Variants in STAG1 observed in about 807,000 individuals in gnomAD.
STAG1 encodes the protein STAG1 cohesin complex component.
STAG1 carries 26 observed loss-of-function variants against 170.9 expected under a neutral mutation model. That is an observed-to-expected ratio of 0.15 (90% CI 0.11 to 0.21). STAG1 has a LOEUF of 0.21. STAG1 is among the 10% of genes least tolerant of loss of function. STAG1 has a pLI of 1.00. For missense variants in STAG1, 964 were observed against 1,509.5 expected (o/e 0.64, Z 5.99); for synonymous variants, 514 against 497.7 (o/e 1.03, Z -0.44).
chr3:136,668,992 C>G (rs141928037), intron 1 of STAG1, among the ~76,000 whole-genome samples: 9 of 152,326 alleles, frequency 5.9e-5, no homozygotes, highest in Non-Finnish European at 1.5e-5. Context: ...AGTGGTACCT[C>G]CAAGGCAGAA....
chr3:136,447,334 TG>T (rs2088811057), intron 14 of STAG1, among the ~76,000 whole-genome samples: 2 of 151,576 alleles, frequency 1.3e-5, no homozygotes, highest in Admixed American at 6.6e-5. Flanking sequence ...CTGGGTGTGG[TG>T]GCGCGTGCCT....
chr3:136,734,678 C>T (rs1481126676), intron 1 of STAG1, among the ~76,000 whole-genome samples: 1 of 152,032 alleles, frequency 6.6e-6, no homozygotes, highest in Non-Finnish European at 1.5e-5. Context: ...TTTCATTAAC[C>T]CTATTGGTTT....
At chr3:136,581,860 T>A (rs1367646793) in intron 4 of STAG1, among the ~76,000 whole-genome samples, 1 of 152,142 alleles carries the variant, frequency 6.6e-6, no homozygotes, top group Non-Finnish European at 1.5e-5. Flanking sequence ...TCCACTTTTA[T>A]AAAACAAATA....
At chr3:136,735,869 T>C (rs894771775) in intron 1 of STAG1, among the ~76,000 whole-genome samples, 6 of 152,344 alleles carry the variant, frequency 3.9e-5, no homozygotes, top group African/African-American at 1.4e-4. Context: ...GACATGGTAC[T>C]GGGTGGAGGA....
At chr3:136,521,880 A>G (rs557604149) in intron 6 of STAG1, among the ~76,000 whole-genome samples, 80 of 152,312 alleles carry the variant, frequency 5.3e-4, no homozygotes, top group Non-Finnish European at 9.9e-4. Context: ...TTTCATTGGG[A>G]AGTGCAAAAA....
chr3:136,426,676 C>T (rs1042843903), intron 16 of STAG1, among the ~76,000 whole-genome samples: 4 of 151,830 alleles, frequency 2.6e-5, no homozygotes, highest in Non-Finnish European at 4.4e-5. Context: ...TGGTGGCTCA[C>T]GCCTGTAATC....
intron 1 of STAG1, among the ~76,000 whole-genome samples, chr3:136,649,286 C>G (rs1451287875): frequency 1.3e-5 from 2 of 151,586 alleles, no homozygotes; most frequent in Admixed American, 1.3e-4. Flanking sequence ...CAAGACCAGC[C>G]TGGCCAACAC....
At position 136,543,447 on chromosome 3, in the gene STAG1, G is replaced by A. The variant is rs746158089; in HGVS notation, c.395-1252C>T. Among the ~76,000 whole-genome samples the A allele has an allele frequency of 7.2e-5, 11 of 152,192 alleles. No individual in the cohort carries two copies. In the East Asian group the frequency reaches 1.7e-3, roughly 24 times the overall value. ...TCTGCTATCACAGGGCACAAAAGACGGAATATAAGGCTGGAAAACACGCTC... is the reference window on the plus strand; with the variant it reads ...TCTGCTATCACAGGGCACAAAAGACAGAATATAAGGCTGGAAAACACGCTC... On this transcript the variant is annotated intron_variant, in intron 5 of 33. Coordinates refer to ENST00000383202, the MANE Select transcript of STAG1 (RefSeq NM_005862.3).
intron 21 of STAG1, among the ~76,000 whole-genome samples, chr3:136,404,645 C>G (rs2087424835): frequency 6.6e-6 from 1 of 152,100 alleles, no homozygotes; most frequent in Non-Finnish European, 1.5e-5. Flanking sequence ...CTTAATAGTT[C>G]TTTAAAAGAA....
At chr3:136,551,882 A>G (rs1936422385) in intron 5 of STAG1, among the ~76,000 whole-genome samples, 1 of 152,174 alleles carries the variant, frequency 6.6e-6, no homozygotes, top group African/African-American at 2.4e-5. Flanking sequence ...GACGTGAGCC[A>G]CTGTGCCTGG....
Position 136,689,651 on chromosome 3 carries a change from A to G in STAG1, c.-83-58670T>C, listed in dbSNP as rs577833438. ...TGATCGCTCTTAAATTATCTTCTGA[A>G]ATCTCTTTCAGTGGGACGACAGAGA... On this transcript the variant is annotated intron_variant, in intron 1 of 33. Coordinates refer to ENST00000383202, the MANE Select transcript of STAG1 (RefSeq NM_005862.3). 2.6e-5 allele frequency among the ~76,000 whole-genome samples: 4 copies of G among 152,288 alleles called. No individual in the cohort carries two copies. The South Asian group carries it at 8.3e-4, about 32-fold the overall frequency.
chr3:136,617,291 T>C (rs957672584), intron 3 of STAG1, among the ~76,000 whole-genome samples: 3 of 152,202 alleles, frequency 2.0e-5, no homozygotes, highest in Admixed American at 2.0e-4. Context: ...CCTCAAGCTC[T>C]GGTCTTAATG....
At chr3:136,699,085 T>C (rs1356002905) in intron 1 of STAG1, among the ~76,000 whole-genome samples, 1 of 152,120 alleles carries the variant, frequency 6.6e-6, no homozygotes, top group South Asian at 2.1e-4. Context: ...TTTGGAAGGG[T>C]GTGAGGGTTA....
chr3:136,717,312 T>C (rs1178086658), intron 1 of STAG1, among the ~76,000 whole-genome samples: 1 of 152,202 alleles, frequency 6.6e-6, no homozygotes, highest in Non-Finnish European at 1.5e-5. Context: ...AGATTTACTA[T>C]AAACAGTTAT....
chr3:136,474,705 T>G (rs991868639), intron 10 of STAG1, among the ~76,000 whole-genome samples: 2 of 152,210 alleles, frequency 1.3e-5, no homozygotes, highest in Admixed American at 1.3e-4. Context: ...GGTAAGTCCC[T>G]AGCACACAAG....
chr3:136,412,944 C>A (rs1031064070), intron 21 of STAG1, among the ~76,000 whole-genome samples: 12 of 150,712 alleles, frequency 8.0e-5, no homozygotes, highest in Non-Finnish European at 1.5e-4. Context: ...CTCACTGCAA[C>A]CTCCTGTTCC....
At chr3:136,572,895 G>A (rs950102484) in intron 4 of STAG1, among the ~76,000 whole-genome samples, 2 of 152,154 alleles carry the variant, frequency 1.3e-5, no homozygotes, top group African/African-American at 4.8e-5. Flanking sequence ...CTAAACTCCA[G>A]GCCAGGTGCA....
At position 136,572,413 on chromosome 3, in the gene STAG1, G is replaced by A. The variant is rs562278429; in HGVS notation, c.298-3552C>T. ...GTTTGAGACCAGCCTGGGCAATGTA[G>A]CAAAACCCGCCTCTACCAAAAATCC... On this transcript the variant is annotated intron_variant, in intron 4 of 33. Transcript: ENST00000383202. 6.6e-5 allele frequency among the ~76,000 whole-genome samples: 10 copies of A among 151,652 alleles called. 1 individual carries two copies. The South Asian group carries it at 2.1e-3, about 32-fold the overall frequency.
chr3:136,338,237 TA>T lies in STAG1; in HGVS notation c.*16del, dbSNP rs1935781362. 7 of 1,583,292 alleles carry T rather than the reference TA, an allele frequency of 4.4e-6. No individual in the cohort carries two copies. The East Asian group carries it at 8.9e-5, about 20-fold the overall frequency. ...TCTAAATAATAGAGTTCCAGATTTG[TA>T]AATTTTCTTCAGACTTCAGAACATA... On this transcript the variant is annotated 3_prime_UTR_variant, in exon 34 of 34. Coordinates refer to ENST00000383202, the MANE Select transcript of STAG1 (RefSeq NM_005862.3).
Sources: allele counts gnomAD v4.1 joint callset (sites outside exome capture counted in the v4.1 genomes callset), GRCh38; gene constraint gnomAD v4.1.1; transcripts MANE v1.5; gene names NCBI Gene and HGNC (gene_info 2026-07-23, HGNC 2026-07-21).